Variants in PDZRN4 observed in about 807,000 individuals in gnomAD.
The protein encoded by PDZRN4 is PDZ domain-containing RING finger protein 4.
A neutral mutation model predicts 99.0 loss-of-function variants in PDZRN4; 70 were observed. The observed-to-expected ratio is 0.71, with a 90% CI of 0.58 to 0.86. The LOEUF (loss-of-function observed/expected upper bound fraction) is 0.86. PDZRN4 is among the 40% of genes least tolerant of loss of function. The probability of loss-of-function intolerance (pLI) is 0.00; values close to 1 mark genes in which losing one functional copy is unlikely to be tolerated. For missense variants in PDZRN4, 1,474 were observed against 1,331.2 expected (o/e 1.11, Z -1.67); for synonymous variants, 551 against 501.6 (o/e 1.10, Z -1.32).
chr12:41,343,030 C>A (rs1371657437), intron 3 of PDZRN4, among the ~76,000 whole-genome samples: 2 of 151,834 alleles, frequency 1.3e-5, no homozygotes, highest in African/African-American at 4.8e-5. Flanking sequence ...CACAGTGAAA[C>A]CCTATTCAGC....
intron 3 of PDZRN4, among the ~76,000 whole-genome samples, chr12:41,221,261 T>C (rs1950953627): frequency 1.3e-5 from 2 of 152,162 alleles, no homozygotes; most frequent in Admixed American, 1.3e-4. Flanking sequence ...TCCCTGAGAT[T>C]TGAGGATTGT....
intron 3 of PDZRN4, among the ~76,000 whole-genome samples, chr12:41,246,158 T>C (rs1170462979): frequency 3.9e-5 from 6 of 152,210 alleles, no homozygotes; most frequent in Non-Finnish European, 7.3e-5. Context: ...TGCTTTGATG[T>C]CATTTGATTA....
At chr12:41,566,337 T>A (rs1432686491) in intron 8 of PDZRN4, among the ~76,000 whole-genome samples, 1 of 152,176 alleles carries the variant, frequency 6.6e-6, no homozygotes, top group African/African-American at 2.4e-5. Context: ...TAGTAAGCAC[T>A]CCCCATTTTA....
chr12:41,431,230 T>C (rs1454430034), intron 3 of PDZRN4, among the ~76,000 whole-genome samples: 1 of 152,212 alleles, frequency 6.6e-6, no homozygotes, highest in South Asian at 2.1e-4. Context: ...CCAACAAGTA[T>C]TGGGCACATA....
rs1160428623 is a variant in PDZRN4 at position 41,573,493 on chromosome 12, C to G, written c.2714C>G (p.Pro905Arg). The change falls in exon 10 of 10, where the codon CCC (proline) becomes CGC (arginine). Residue 905 changes from proline to arginine, a missense_variant. Transcript: ENST00000402685. ...SDGTRYITKR[P>R]VRDRILKERA... ...GGGACACGGTACATCACAAAGAGAC[C>G]CGTGCGAGACCGAATCCTGAAGGAA... is the stretch of plus-strand genomic sequence containing the variant. The G allele has an allele frequency of 6.2e-7, 1 of 1,613,886 alleles. No individual in the cohort carries two copies. The highest frequency in any genetic ancestry group is 2.2e-5 in the East Asian group (1 of 44,838).
chr12:41,351,070 C>T (rs1951886530), intron 3 of PDZRN4, among the ~76,000 whole-genome samples: 1 of 152,082 alleles, frequency 6.6e-6, no homozygotes, highest in Admixed American at 6.6e-5. Context: ...GGACACTATT[C>T]TGGTTGTTAG....
At chr12:41,480,680 A>G (rs917647784) in intron 3 of PDZRN4, among the ~76,000 whole-genome samples, 1 of 152,148 alleles carries the variant, frequency 6.6e-6, no homozygotes, top group East Asian at 1.9e-4. Context: ...ATTTTCATAT[A>G]AATATTTTAT....
intron 3 of PDZRN4, among the ~76,000 whole-genome samples, chr12:41,231,659 G>T (rs1951030362): frequency 6.6e-6 from 1 of 152,058 alleles, no homozygotes; most frequent in African/African-American, 2.4e-5. Flanking sequence ...TTACTAAATA[G>T]TGATGACAGA....
intron 3 of PDZRN4, among the ~76,000 whole-genome samples, chr12:41,235,900 C>T (rs1951063750): frequency 1.3e-5 from 2 of 152,096 alleles, no homozygotes; most frequent in South Asian, 4.1e-4. Context: ...ATGTATAACA[C>T]TCATTTTTTT....
At chr12:41,247,600 T>C (rs1192413297) in intron 3 of PDZRN4, among the ~76,000 whole-genome samples, 1 of 152,188 alleles carries the variant, frequency 6.6e-6, no homozygotes, top group East Asian at 1.9e-4. Flanking sequence ...GTGACCAGCT[T>C]GGAGAAATAC....
intron 3 of PDZRN4, among the ~76,000 whole-genome samples, chr12:41,496,140 C>A (rs1937997225): frequency 1.3e-5 from 2 of 152,228 alleles, no homozygotes; most frequent in African/African-American, 4.8e-5. Context: ...CATGACTGTT[C>A]TTGGATGTGA....
chr12:41,406,142 T>A (rs1461798072), intron 3 of PDZRN4, among the ~76,000 whole-genome samples: 2 of 152,124 alleles, frequency 1.3e-5, no homozygotes, highest in Non-Finnish European at 2.9e-5. Context: ...ATCCAAAATT[T>A]AACCTAATTT....
chr12:41,445,551 G>T (rs974785285), intron 3 of PDZRN4, among the ~76,000 whole-genome samples: 3 of 151,960 alleles, frequency 2.0e-5, no homozygotes, highest in Non-Finnish European at 4.4e-5. Flanking sequence ...TCATTTAATA[G>T]GTATGCAATC....
At chr12:41,276,064 A>G (rs1034828317) in intron 3 of PDZRN4, among the ~76,000 whole-genome samples, 5 of 152,160 alleles carry the variant, frequency 3.3e-5, no homozygotes, top group African/African-American at 1.2e-4. Flanking sequence ...ATTAATGAGA[A>G]GGGTGAATGG....
chr12:41,322,492 T>A (rs1383323677), intron 3 of PDZRN4, among the ~76,000 whole-genome samples: 2 of 82,362 alleles, frequency 2.4e-5, no homozygotes, highest in South Asian at 5.0e-4. Context: ...CTTTCCTTTT[T>A]TTTTTTTTTT....
At chr12:41,268,501 A>G (rs1951294072) in intron 3 of PDZRN4, among the ~76,000 whole-genome samples, 1 of 152,238 alleles carries the variant, frequency 6.6e-6, no homozygotes, top group South Asian at 2.1e-4. Context: ...GGTTAAACAA[A>G]TTAGAATTAC....
intron 3 of PDZRN4, among the ~76,000 whole-genome samples, chr12:41,359,400 A>G (rs1032964386): frequency 1.3e-5 from 2 of 152,094 alleles, no homozygotes; most frequent in Admixed American, 1.3e-4. Context: ...TCTGTAGGCA[A>G]TCTTCATTTG....
chr12:41,368,825 A>AGG (rs1167866960), intron 3 of PDZRN4, among the ~76,000 whole-genome samples: 2 of 152,084 alleles, frequency 1.3e-5, no homozygotes, highest in Non-Finnish European at 2.9e-5. Flanking sequence ...TGGGGAGCCA[A>AGG]GGGGATGGTG....
chr12:41,339,190 G>T (rs1442885538), intron 3 of PDZRN4, among the ~76,000 whole-genome samples: 1 of 151,268 alleles, frequency 6.6e-6, no homozygotes, highest in East Asian at 1.9e-4. Context: ...CAGAGTTATG[G>T]TAACCAAAAC....
Sources: gnomAD v4.1 joint callset for allele counts (sites outside exome capture counted in the v4.1 genomes callset) on GRCh38, gnomAD v4.1.1 for gene constraint, MANE v1.5 for transcripts, NCBI Gene and HGNC (gene_info 2026-07-23, HGNC 2026-07-21) for gene names.